NEGR1: variants seen among roughly 807,000 people sequenced by gnomAD.
The protein encoded by NEGR1 is IgLON family member 4.
A neutral mutation model predicts 40.9 loss-of-function variants in NEGR1; 10 were observed. That is an observed-to-expected ratio of 0.24 (90% CI 0.15 to 0.42). The LOEUF (loss-of-function observed/expected upper bound fraction) is 0.42. Ranked by LOEUF, NEGR1 falls within the 10% of genes least tolerant of loss-of-function variation. The probability of loss-of-function intolerance (pLI) is 1.00; values close to 1 mark genes in which losing one functional copy is unlikely to be tolerated. For missense variants in NEGR1, 352 were observed against 438.9 expected (o/e 0.80, Z 1.77); for synonymous variants, 185 against 166.8 (o/e 1.11, Z -0.84).
intron 1 of NEGR1, among the ~76,000 whole-genome samples, chr1:72,027,459 TCAAAAAAA>T (rs978996525): frequency 3.3e-5 from 5 of 151,482 alleles, no homozygotes; most frequent in East Asian, 1.9e-4. Context: ...CAAGTTTCTC[TCAAAAAAA>T]CAAAAAAACA....
intron 1 of NEGR1, among the ~76,000 whole-genome samples, chr1:71,989,055 G>GT (rs1054444586): frequency 5.4e-5 from 8 of 149,370 alleles, no homozygotes; most frequent in African/African-American, 1.5e-4. Flanking sequence ...TTATTTTTAT[G>GT]TTTTTTTCCA....
intron 2 of NEGR1, among the ~76,000 whole-genome samples, chr1:71,828,087 A>C (rs1658704707): frequency 6.6e-6 from 1 of 151,950 alleles, no homozygotes; most frequent in South Asian, 2.1e-4. Context: ...CCCATATAAT[A>C]CTGTGAAATA....
At chr1:72,227,455 G>A (rs1055776506) in intron 1 of NEGR1, among the ~76,000 whole-genome samples, 1 of 151,926 alleles carries the variant, frequency 6.6e-6, no homozygotes, top group African/African-American at 2.4e-5. Context: ...GAAGCAGGGG[G>A]AACCATTTTG....
intron 2 of NEGR1, among the ~76,000 whole-genome samples, chr1:71,901,579 G>C (rs1557693818): frequency 6.6e-6 from 1 of 151,812 alleles, no homozygotes. Context: ...GGCCCCTGGG[G>C]TTAGAGTTCC....
chr1:72,125,462 T>TAA (rs138279972), intron 1 of NEGR1, among the ~76,000 whole-genome samples: 1 of 151,456 alleles, frequency 6.6e-6, no homozygotes, highest in Non-Finnish European at 1.5e-5. Context: ...CGTGGCCAAA[T>TAA]AAAAAAAAAT....
intron 3 of NEGR1, among the ~76,000 whole-genome samples, chr1:71,706,715 C>T (rs1025437326): frequency 6.6e-5 from 10 of 151,908 alleles, no homozygotes; most frequent in Admixed American, 1.3e-4. Context: ...CAGGCCCTAG[C>T]TTCCAGATGA....
At chr1:71,646,889 T>C (rs1311912113) in intron 4 of NEGR1, among the ~76,000 whole-genome samples, 2 of 151,876 alleles carry the variant, frequency 1.3e-5, no homozygotes, top group East Asian at 1.9e-4. Context: ...TTATTGTCCC[T>C]GCATATATTA....
Position 72,116,634 on chromosome 1 carries a change from T to A in NEGR1, c.176+165685A>T, listed in dbSNP as rs993324375. Among the ~76,000 whole-genome samples, 4 of 151,802 alleles carry A rather than the reference T, an allele frequency of 2.6e-5. No homozygotes were observed. In the East Asian group the frequency reaches 7.8e-4, roughly 29 times the overall value. ...AGTATGATTTCCACCCTCTCCCCCTTAAAAAGTAGTTTTAATTTGCTTTAT... is the reference window on the plus strand; with the variant it reads ...AGTATGATTTCCACCCTCTCCCCCTAAAAAAGTAGTTTTAATTTGCTTTAT... On this transcript the variant is annotated intron_variant, in intron 1 of 6. Coordinates refer to ENST00000357731, the MANE Select transcript of NEGR1 (RefSeq NM_173808.3).
intron 6 of NEGR1, among the ~76,000 whole-genome samples, chr1:71,577,185 T>C (rs1648992064): frequency 6.6e-6 from 1 of 152,208 alleles, no homozygotes; most frequent in African/African-American, 2.4e-5. Context: ...GATAAATTAG[T>C]TCTCAGAATA....
intron 6 of NEGR1, among the ~76,000 whole-genome samples, chr1:71,448,992 G>A: frequency 6.6e-6 from 1 of 152,086 alleles, no homozygotes; most frequent in East Asian, 1.9e-4. Flanking sequence ...AGGAACCCGA[G>A]GCTGTCATTG....
At chr1:72,195,989 A>C (rs1314084134) in intron 1 of NEGR1, among the ~76,000 whole-genome samples, 1 of 151,788 alleles carries the variant, frequency 6.6e-6, no homozygotes, top group East Asian at 1.9e-4. Flanking sequence ...AGGTTCACTC[A>C]CTCCCTTCTT....
chr1:72,061,667 C>G (rs571590139), intron 1 of NEGR1, among the ~76,000 whole-genome samples: 122 of 151,850 alleles, frequency 8.0e-4, no homozygotes, highest in Middle Eastern at 3.4e-3. Flanking sequence ...GGGGGAATAG[C>G]TTTTAAAAAC....
chr1:72,274,502 G>A, intron 1 of NEGR1: 1 of 639,836 alleles, frequency 1.6e-6, no homozygotes, highest in South Asian at 1.8e-5. Flanking sequence ...AAGATAAACT[G>A]TCTCAAGTTG....
chr1:71,485,120 A>G (rs1021481589), intron 6 of NEGR1, among the ~76,000 whole-genome samples: 1 of 151,612 alleles, frequency 6.6e-6, no homozygotes, highest in Admixed American at 6.6e-5. Flanking sequence ...ATTGACCTTC[A>G]TAATTTTAGT....
intron 4 of NEGR1, among the ~76,000 whole-genome samples, chr1:71,680,618 G>T (rs903267149): frequency 1.1e-4 from 17 of 151,862 alleles, no homozygotes; most frequent in African/African-American, 4.1e-4. Flanking sequence ...TTTAATTTTT[G>T]ACTTAAGCTA....
chr1:71,823,966 C>T (rs902926447), intron 2 of NEGR1, among the ~76,000 whole-genome samples: 2 of 151,982 alleles, frequency 1.3e-5, no homozygotes, highest in Admixed American at 6.6e-5. Context: ...GACTGAAGTG[C>T]ACAGAAGCTG....
chr1:72,254,921 T>C (rs1655217150), intron 1 of NEGR1, among the ~76,000 whole-genome samples: 2 of 152,124 alleles, frequency 1.3e-5, no homozygotes, highest in South Asian at 2.1e-4. Context: ...TATACCCCCT[T>C]AGAATATTTA....
intron 5 of NEGR1, among the ~76,000 whole-genome samples, chr1:71,601,382 A>C (rs116177561): frequency 0.014 from 2,084 of 152,348 alleles, 72 homozygotes; most frequent in African/African-American, 0.048. Flanking sequence ...AATGCAAATT[A>C]GTTCAGCTTC....
At chr1:71,546,967 G>C (rs146645182) in intron 6 of NEGR1, among the ~76,000 whole-genome samples, 67 of 151,734 alleles carry the variant, frequency 4.4e-4, no homozygotes, top group African/African-American at 1.5e-3. Flanking sequence ...AAATTTAGAT[G>C]GACCATAATG....
Sources: gnomAD v4.1 joint callset for allele counts (sites outside exome capture counted in the v4.1 genomes callset) on GRCh38, gnomAD v4.1.1 for gene constraint, MANE v1.5 for transcripts, NCBI Gene and HGNC (gene_info 2026-07-23, HGNC 2026-07-21) for gene names.